The following ST3GAL1 variants were observed in gnomAD, a reference collection of about 807,000 sequenced individuals.
The protein encoded by ST3GAL1 is ST3 beta-galactoside alpha-2,3-sialyltransferase 1.
A neutral mutation model predicts 34.1 loss-of-function variants in ST3GAL1; 16 were observed. The ratio of observed to expected loss-of-function variants is 0.47; its 90% CI spans 0.32 to 0.71. ST3GAL1 has a LOEUF of 0.71. Among genes scored for constraint, ST3GAL1 ranks in the 30% least tolerant of loss-of-function variants. The pLI is 0.04. For synonymous variants in ST3GAL1, 191 were observed against 184.7 expected (o/e 1.03, Z -0.28); for missense variants, 353 against 447.4 (o/e 0.79, Z 1.90).
At chr8:133,473,595 T>C (rs1339719459) in intron 5 of ST3GAL1, among the ~76,000 whole-genome samples, 3 of 152,142 alleles carry the variant, frequency 2.0e-5, no homozygotes, top group East Asian at 3.9e-4. Flanking sequence ...AGAGAGGAGA[T>C]GGGATGTGTG....
intron 1 of ST3GAL1, among the ~76,000 whole-genome samples, chr8:133,557,979 T>G (rs1045021607): frequency 2.2e-4 from 34 of 151,886 alleles, no homozygotes; most frequent in Non-Finnish European, 4.4e-5. Context: ...ATGTCTCTTG[T>G]GCCTCTGATG....
intron 1 of ST3GAL1, among the ~76,000 whole-genome samples, chr8:133,566,108 G>A (rs1819392211): frequency 6.6e-6 from 1 of 152,218 alleles, no homozygotes; most frequent in East Asian, 1.9e-4. Flanking sequence ...CCTCCCCTGT[G>A]TGTCTCTGCT....
At chr8:133,538,827 A>G (rs1311420095) in intron 2 of ST3GAL1, among the ~76,000 whole-genome samples, 5 of 152,230 alleles carry the variant, frequency 3.3e-5, no homozygotes, top group African/African-American at 1.2e-4. Context: ...AGCAGTAGGC[A>G]GTGAGGATGA....
At chr8:133,544,868 T>A (rs754813498) in intron 2 of ST3GAL1, among the ~76,000 whole-genome samples, 1 of 152,018 alleles carries the variant, frequency 6.6e-6, no homozygotes, top group African/African-American at 2.4e-5. Context: ...AATAATCATA[T>A]AAAAAACAGC....
At chr8:133,505,608 C>CT (rs202198983) in intron 2 of ST3GAL1, among the ~76,000 whole-genome samples, 36,454 of 144,970 alleles carry the variant, frequency 0.25, 4,528 homozygotes, top group African/African-American at 0.31. Context: ...CTTTTCTTTT[C>CT]TTTTTTTTTT....
rs1815416471 is a variant in ST3GAL1, at chr8:133,459,498, C to T, written c.*266G>A. On this transcript the variant is annotated 3_prime_UTR_variant, in exon 10 of 10. Transcript: ENST00000522652. The surrounding 1 kb of genome is among the most constrained non-coding windows in gnomAD (Gnocchi z 4.7). ...TAGTGTGTGGAGGTTGAACCTTTCC[C>T]AGCGTCTCCCCAGCTCTAGGGCAGC... is the stretch of plus-strand genomic sequence containing the variant. 1 of 347,470 alleles carries T rather than the reference C, an allele frequency of 2.9e-6. No individual in the cohort carries two copies. The allele number at this position is 347,470 out of a possible 1,614,324, so 21.5% of individuals were successfully genotyped here. A position where few individuals can be genotyped will look rare whatever the true frequency, so the allele number is the denominator to read the frequency against.
chr8:133,496,713 G>A (rs1433764939), intron 3 of ST3GAL1, among the ~76,000 whole-genome samples: 2 of 152,162 alleles, frequency 1.3e-5, no homozygotes, highest in Non-Finnish European at 1.5e-5. Flanking sequence ...CTGGAGCCTC[G>A]GAGCAACTTT....
chr8:133,484,805 C>T (rs1816519541), intron 3 of ST3GAL1, among the ~76,000 whole-genome samples: 1 of 152,124 alleles, frequency 6.6e-6, no homozygotes, highest in Admixed American at 6.5e-5. Flanking sequence ...CCTGTCCATC[C>T]CCCTGAAGCT....
At chr8:133,486,745 G>A (rs993507544) in intron 3 of ST3GAL1, among the ~76,000 whole-genome samples, 1 of 152,144 alleles carries the variant, frequency 6.6e-6, no homozygotes, top group Non-Finnish European at 1.5e-5. Context: ...GGCTCCCTGC[G>A]CCTCCCAGGA....
chr8:133,550,677 C>G (rs1818813386), intron 1 of ST3GAL1, among the ~76,000 whole-genome samples: 1 of 152,196 alleles, frequency 6.6e-6, no homozygotes, highest in Non-Finnish European at 1.5e-5. Context: ...GACTCGGAAG[C>G]AAGAAAAATG....
At chr8:133,545,022 T>C (rs1454084266) in intron 2 of ST3GAL1, among the ~76,000 whole-genome samples, 1 of 152,220 alleles carries the variant, frequency 6.6e-6, no homozygotes, top group Non-Finnish European at 1.5e-5. Context: ...CTGATAAAAA[T>C]GTCCTCTCTC....
At chr8:133,514,066 T>C (rs1817575012) in intron 2 of ST3GAL1, among the ~76,000 whole-genome samples, 1 of 152,150 alleles carries the variant, frequency 6.6e-6, no homozygotes, top group Non-Finnish European at 1.5e-5. Flanking sequence ...AAAACGATCA[T>C]CACAAATGCA....
chr8:133,459,734 C>T lies in ST3GAL1; in HGVS notation c.*30G>A, dbSNP rs1050166504. 12 of 1,580,966 alleles carry T rather than the reference C, an allele frequency of 7.6e-6. No homozygotes were observed. Among genetic ancestry groups the T allele is most frequent in the Non-Finnish European group, 9.5e-6 (11 of 1,160,244 alleles). ...TGGGGCTGGAAATGCAGAGGTGTGA[C>T]AGTGCGTCCATCCTCAGCCCTTCAC... is the stretch of plus-strand genomic sequence containing the variant. On this transcript the variant is annotated 3_prime_UTR_variant, in exon 10 of 10. Transcript: ENST00000522652. This position sits in a 1 kb window ranked among gnomAD's most constrained non-coding sequence, Gnocchi z 4.7.
chr8:133,548,105 G>C (rs1818721809), intron 1 of ST3GAL1, among the ~76,000 whole-genome samples: 1 of 152,224 alleles, frequency 6.6e-6, no homozygotes, highest in African/African-American at 2.4e-5. Flanking sequence ...AGTCAGCACA[G>C]TTAGGAGTCA....
At chr8:133,529,875 C>T (rs1818092387) in intron 2 of ST3GAL1, among the ~76,000 whole-genome samples, 1 of 152,204 alleles carries the variant, frequency 6.6e-6, no homozygotes, top group African/African-American at 2.4e-5. Flanking sequence ...TCATCTTTCT[C>T]TTCTCAGTGT....
chr8:133,492,846 C>T (rs1012782207), intron 3 of ST3GAL1, among the ~76,000 whole-genome samples: 4 of 152,214 alleles, frequency 2.6e-5, no homozygotes, highest in Admixed American at 6.5e-5. Context: ...CCTCGGGGAG[C>T]GTCCATGCGG....
intron 1 of ST3GAL1, among the ~76,000 whole-genome samples, chr8:133,568,703 A>T (rs540563282): frequency 6.6e-6 from 1 of 151,930 alleles, no homozygotes; most frequent in South Asian, 2.1e-4. Flanking sequence ...GAACTGACTC[A>T]AGCAAGGTTA....
Position 133,459,654 on chromosome 8 carries a change from A to C in ST3GAL1, c.*110T>G. On this transcript the variant is annotated 3_prime_UTR_variant, in exon 10 of 10. Transcript: ENST00000522652. This position sits in a 1 kb window ranked among gnomAD's most constrained non-coding sequence, Gnocchi z 4.7. ...AAGAGGCTGTGAGCGGTGCCCAGGC[A>C]CACACCTGAGGCTGCCCCTCCAAGC... is the stretch of plus-strand genomic sequence containing the variant. 1 of 1,399,072 alleles carries C rather than the reference A, an allele frequency of 7.1e-7. No homozygotes were observed. The highest frequency in any genetic ancestry group is 9.6e-7 in the Non-Finnish European group (1 of 1,040,058). The allele number at this position is 1,399,072 out of a possible 1,614,324, so 86.7% of individuals were successfully genotyped here. A position where few individuals can be genotyped will look rare whatever the true frequency, so the allele number is the denominator to read the frequency against.
intron 2 of ST3GAL1, among the ~76,000 whole-genome samples, chr8:133,540,814 T>TATATATATAGAGAC (rs1563733990): frequency 1.3e-4 from 17 of 131,332 alleles, no homozygotes; most frequent in African/African-American, 4.9e-4. Context: ...TAGAGAGACA[T>TATATATATAGAGAC]ATATATATAG....
Sources: allele counts gnomAD v4.1 joint callset (sites outside exome capture counted in the v4.1 genomes callset), GRCh38; gene constraint gnomAD v4.1.1; non-coding constraint Gnocchi (gnomAD v3.1); transcripts MANE v1.5; gene names NCBI Gene and HGNC (gene_info 2026-07-23, HGNC 2026-07-21).